Variants in MAP3K7CL observed in about 807,000 individuals in gnomAD.
The protein encoded by MAP3K7CL is MAP3K7 C-terminal like, also known as MAP3K7 C-terminal-like protein.
Under a neutral mutation model 18.6 loss-of-function variants are expected in MAP3K7CL, and 16 were observed. The ratio of observed to expected loss-of-function variants is 0.86; its 90% CI spans 0.58 to 1.31. The LOEUF is 1.31. MAP3K7CL is among the 50% of genes most tolerant of loss of function. The pLI is 0.00. For synonymous variants in MAP3K7CL, 65 were observed against 66.8 expected (o/e 0.97, Z 0.13); for missense variants, 163 against 174.4 (o/e 0.93, Z 0.37).
chr21:29,101,989 A>G (rs1337391978), intron 4 of MAP3K7CL, among the ~76,000 whole-genome samples: 1 of 152,200 alleles, frequency 6.6e-6, no homozygotes, highest in Non-Finnish European at 1.5e-5. Context: ...ACCAACAGAG[A>G]AAGTGACTGA....
At chr21:29,117,242 T>C (rs2086518451) in intron 4 of MAP3K7CL, among the ~76,000 whole-genome samples, 1 of 152,216 alleles carries the variant, frequency 6.6e-6, no homozygotes. Flanking sequence ...TCATTTTCTA[T>C]TTGTGGACTC....
intron 4 of MAP3K7CL, among the ~76,000 whole-genome samples, chr21:29,115,732 C>T (rs949880448): frequency 3.3e-5 from 5 of 152,198 alleles, no homozygotes; most frequent in South Asian, 2.1e-4. Context: ...CCTTTCAAGA[C>T]GGCAGCAGCA....
intron 1 of MAP3K7CL, among the ~76,000 whole-genome samples, chr21:29,090,722 C>T (rs887678551): frequency 2.0e-5 from 3 of 151,204 alleles, no homozygotes; most frequent in African/African-American, 7.3e-5. Flanking sequence ...ACTTTTTTTG[C>T]ATGGAGCCAG....
intron 4 of MAP3K7CL, among the ~76,000 whole-genome samples, chr21:29,161,035 GC>G (rs1190353951): frequency 6.6e-6 from 1 of 152,258 alleles, no homozygotes. Context: ...TGGGGGCCGG[GC>G]GCAGTGGCCC....
At chr21:29,174,376 C>T (rs2087914830) in intron 4 of MAP3K7CL, among the ~76,000 whole-genome samples, 1 of 152,136 alleles carries the variant, frequency 6.6e-6, no homozygotes, top group African/African-American at 2.4e-5. Flanking sequence ...CAATAGGCAG[C>T]ATCTTAAATT....
upstream of MAP3K7CL, among the ~76,000 whole-genome samples, chr21:29,125,903 G>T (rs1013733878): frequency 4.6e-5 from 7 of 152,214 alleles, no homozygotes; most frequent in African/African-American, 1.7e-4. Context: ...GCCTGCACAT[G>T]CAGTCTCATG....
intron 4 of MAP3K7CL, among the ~76,000 whole-genome samples, chr21:29,162,232 G>A (rs1568970244): frequency 2.6e-5 from 4 of 151,772 alleles, no homozygotes; most frequent in African/African-American, 9.7e-5. Context: ...AAAATCCTCA[G>A]TAATTATGTC....
chr21:29,126,463 T>G (rs1343571501), upstream of MAP3K7CL, among the ~76,000 whole-genome samples: 1 of 152,110 alleles, frequency 6.6e-6, no homozygotes, highest in African/African-American at 2.4e-5. Context: ...TTTTGTTTGT[T>G]TGTTTGTTTT....
At chr21:29,109,786 C>T in intron 4 of MAP3K7CL, 2 of 985,430 alleles carry the variant, frequency 2.0e-6, no homozygotes, top group Non-Finnish European at 2.4e-6. Flanking sequence ...GTGTCTTTTA[C>T]TTATATCTTA....
chr21:29,077,312 A>G (rs1028490837), upstream of MAP3K7CL, among the ~76,000 whole-genome samples: 5 of 152,236 alleles, frequency 3.3e-5, no homozygotes, highest in African/African-American at 4.8e-5. Flanking sequence ...CTGCAGGAAG[A>G]CAGCTAAGGC....
chr21:29,081,944 G>A (rs1301059205), upstream of MAP3K7CL, among the ~76,000 whole-genome samples: 3 of 152,156 alleles, frequency 2.0e-5, no homozygotes, highest in African/African-American at 4.8e-5. Context: ...GCCTGCTTAC[G>A]TACAATATTG....
At chr21:29,089,447 C>A (rs2085984674) in intron 1 of MAP3K7CL, among the ~76,000 whole-genome samples, 1 of 152,078 alleles carries the variant, frequency 6.6e-6, no homozygotes, top group Admixed American at 6.6e-5. Flanking sequence ...TATTTGTGCC[C>A]TTGTGAACTG....
chr21:29,126,734 C>T (rs2086688075), upstream of MAP3K7CL, among the ~76,000 whole-genome samples: 2 of 152,158 alleles, frequency 1.3e-5, no homozygotes, highest in African/African-American at 2.4e-5. Flanking sequence ...GCTGGAATTA[C>T]AGATGTGAGC....
chr21:29,123,894 A>T (rs1174886265), intron 4 of MAP3K7CL, among the ~76,000 whole-genome samples: 1 of 152,222 alleles, frequency 6.6e-6, no homozygotes, highest in Non-Finnish European at 1.5e-5. Context: ...ATCTATCTAT[A>T]CTATAATAAC....
chr21:29,153,400 G>A (rs962885662), intron 3 of MAP3K7CL, among the ~76,000 whole-genome samples: 6 of 151,878 alleles, frequency 4.0e-5, no homozygotes, highest in Non-Finnish European at 7.4e-5. Flanking sequence ...AAGAAAGGAC[G>A]CCCAATTCTA....
At chr21:29,088,536 A>G (rs2085965770) in intron 1 of MAP3K7CL, among the ~76,000 whole-genome samples, 1 of 152,262 alleles carries the variant, frequency 6.6e-6, no homozygotes, top group Non-Finnish European at 1.5e-5. Flanking sequence ...TTTGTTTAAT[A>G]GGTTAAAAGG....
At chr21:29,106,921 G>A (rs1213004514) in intron 4 of MAP3K7CL, among the ~76,000 whole-genome samples, 1 of 152,174 alleles carries the variant, frequency 6.6e-6, no homozygotes, top group Non-Finnish European at 1.5e-5. Context: ...TTCTGTCCAA[G>A]CTGCGGCTTG....
At chr21:29,167,693 ATTTTTTTTTTTT>A in intron 4 of MAP3K7CL, among the ~76,000 whole-genome samples, 1 of 107,486 alleles carries the variant, frequency 9.3e-6, no homozygotes, top group East Asian at 2.7e-4. Flanking sequence ...AGAAGGACCA[ATTTTTTTTTTTT>A]TTTTTTTTTT....
chr21:29,147,145 C>T (rs1404569710), intron 2 of MAP3K7CL, among the ~76,000 whole-genome samples: 1 of 151,884 alleles, frequency 6.6e-6, no homozygotes, highest in African/African-American at 2.4e-5. Context: ...ATTTTTTCAC[C>T]TTATATTTTG....
Sources: allele counts gnomAD v4.1 joint callset (sites outside exome capture counted in the v4.1 genomes callset), GRCh38; gene constraint gnomAD v4.1.1; transcripts MANE v1.5; gene names NCBI Gene and HGNC (gene_info 2026-07-23, HGNC 2026-07-21).